Variants in C12orf42 observed in about 807,000 individuals in gnomAD.
C12orf42 encodes the protein uncharacterized protein C12orf42.
A neutral mutation model predicts 21.6 loss-of-function variants in C12orf42; 25 were observed. The ratio of observed to expected loss-of-function variants is 1.16; its 90% confidence interval spans 0.84 to 1.62. The LOEUF (loss-of-function observed/expected upper bound fraction) is 1.62, where lower values mean the gene tolerates loss of function less well. C12orf42 is among the 40% of genes most tolerant of loss of function. The probability of loss-of-function intolerance (pLI) is 0.00; values close to 1 mark genes in which losing one functional copy is unlikely to be tolerated. For missense variants in C12orf42, 483 were observed against 459.3 expected (o/e 1.05, Z -0.47); for synonymous variants, 174 against 175.0 (o/e 0.99, Z 0.05).
intron 4 of C12orf42, among the ~76,000 whole-genome samples, chr12:103,322,407 T>C (rs1357681646): frequency 6.6e-6 from 1 of 152,208 alleles, no homozygotes; most frequent in African/African-American, 2.4e-5. Flanking sequence ...CTGGGGCAGA[T>C]GCTGGCAGCT....
chr12:103,154,155 T>C, the C12orf42 span, among the ~76,000 whole-genome samples: 3 of 151,824 alleles, frequency 2.0e-5, no homozygotes, highest in Non-Finnish European at 4.4e-5. Flanking sequence ...AATATCAAGC[T>C]GGTGGCTACT....
At chr12:103,544,235 A>G in the C12orf42 span, among the ~76,000 whole-genome samples, 1 of 152,022 alleles carries the variant, frequency 6.6e-6, no homozygotes, top group Non-Finnish European at 1.5e-5. Context: ...TGTTTTTATT[A>G]TTCCTAAACA....
chr12:103,349,067 C>T (rs941200435), intron 4 of C12orf42: 4 of 152,266 alleles, frequency 2.6e-5, no homozygotes, highest in African/African-American at 9.6e-5. Context: ...AGTCTCATTC[C>T]TCTTACTGTG....
At chr12:103,560,173 T>C in the C12orf42 span, among the ~76,000 whole-genome samples, 1 of 152,216 alleles carries the variant, frequency 6.6e-6, no homozygotes, top group Non-Finnish European at 1.5e-5. Flanking sequence ...ATTTTATAGA[T>C]GGGAAACTAC....
intron 4 of C12orf42, among the ~76,000 whole-genome samples, chr12:103,309,317 C>T (rs895492932): frequency 1.3e-5 from 2 of 152,122 alleles, no homozygotes; most frequent in Admixed American, 6.5e-5. Context: ...AAGATGAAGA[C>T]TTTTATGATG....
chr12:103,330,918 A>C (rs1218065410), intron 4 of C12orf42, among the ~76,000 whole-genome samples: 1 of 152,236 alleles, frequency 6.6e-6, no homozygotes, highest in African/African-American at 2.4e-5. Context: ...CTACTGAATA[A>C]ATATTTATCT....
the C12orf42 span, among the ~76,000 whole-genome samples, chr12:103,108,027 G>GA: frequency 5.3e-5 from 8 of 150,852 alleles, no homozygotes; most frequent in East Asian, 1.2e-3. Context: ...ATTGATTAAA[G>GA]AAAAAATAGA....
At chr12:103,067,631 G>A in the C12orf42 span, among the ~76,000 whole-genome samples, 1 of 152,150 alleles carries the variant, frequency 6.6e-6, no homozygotes, top group African/African-American at 2.4e-5. Flanking sequence ...TGATCCACTA[G>A]CAAAATTTTT....
the C12orf42 span, among the ~76,000 whole-genome samples, chr12:103,529,869 C>G: frequency 2.6e-5 from 4 of 152,098 alleles, no homozygotes; most frequent in African/African-American, 9.7e-5. Context: ...CCAAAATTTC[C>G]CTTTCAGCTG....
At chr12:103,130,578 A>G in the C12orf42 span, among the ~76,000 whole-genome samples, 1 of 152,078 alleles carries the variant, frequency 6.6e-6, no homozygotes, top group African/African-American at 2.4e-5. Flanking sequence ...TGTGCAGGTC[A>G]TTCATTAGGG....
the C12orf42 span, among the ~76,000 whole-genome samples, chr12:103,555,428 C>T: frequency 7.2e-5 from 11 of 152,148 alleles, no homozygotes; most frequent in South Asian, 2.3e-3. Flanking sequence ...CAATTACCTC[C>T]CACCGGGTCT....
chr12:103,136,846 C>T, the C12orf42 span, among the ~76,000 whole-genome samples: 8 of 152,226 alleles, frequency 5.3e-5, no homozygotes, highest in Non-Finnish European at 1.2e-4. Flanking sequence ...AATGATAAAA[C>T]TGAACCCCTA....
At chr12:103,102,183 C>T in the C12orf42 span, among the ~76,000 whole-genome samples, 18 of 152,110 alleles carry the variant, frequency 1.2e-4, no homozygotes, top group Non-Finnish European at 2.1e-4. Context: ...TAATTGGGAC[C>T]ATTTTTATTA....
intron 2 of C12orf42, among the ~76,000 whole-genome samples, chr12:103,475,011 T>C (rs1050982601): frequency 2.0e-5 from 3 of 152,250 alleles, no homozygotes; most frequent in Admixed American, 6.5e-5. Flanking sequence ...ACAGTAAATT[T>C]GAACTTTTGT....
At chr12:103,085,335 C>T in the C12orf42 span, among the ~76,000 whole-genome samples, 1 of 152,020 alleles carries the variant, frequency 6.6e-6, no homozygotes. Flanking sequence ...TTTCATTTTT[C>T]ACTGTTGCTT....
At chr12:103,104,165 A>ACT in the C12orf42 span, among the ~76,000 whole-genome samples, 1 of 152,214 alleles carries the variant, frequency 6.6e-6, no homozygotes. Context: ...CTGTATAAGT[A>ACT]AGATTACCTG....
chr12:103,266,763 T>C (rs774069172), downstream of C12orf42, among the ~76,000 whole-genome samples: 49 of 152,150 alleles, frequency 3.2e-4, no homozygotes, highest in Non-Finnish European at 6.3e-4. Flanking sequence ...ATTTTTAGAT[T>C]AAAGAAATAA....
At chr12:103,131,570 T>G in the C12orf42 span, among the ~76,000 whole-genome samples, 1 of 152,220 alleles carries the variant, frequency 6.6e-6, no homozygotes, top group Non-Finnish European at 1.5e-5. Flanking sequence ...CTTCCAAGAT[T>G]CTTTGAATTA....
At chr12:103,444,880 A>G (rs986849448) in intron 2 of C12orf42, among the ~76,000 whole-genome samples, 28 of 152,004 alleles carry the variant, frequency 1.8e-4, no homozygotes, top group Non-Finnish European at 3.1e-4. Flanking sequence ...TTTACCTTAA[A>G]TTAATATTGC....
Sources: allele counts gnomAD v4.1 joint callset (sites outside exome capture counted in the v4.1 genomes callset), GRCh38; gene constraint gnomAD v4.1.1; transcripts MANE v1.5; gene names NCBI Gene and HGNC (gene_info 2026-07-23, HGNC 2026-07-21).